DLC1: variants seen among roughly 807,000 people sequenced by gnomAD.
DLC1 encodes the protein DLC1 Rho GTPase activating protein.
Under a neutral mutation model 140.3 loss-of-function variants are expected in DLC1, and 54 were observed. The observed-to-expected ratio is 0.38, with a 90% confidence interval of 0.31 to 0.48. DLC1 has a LOEUF of 0.48. Among genes scored for constraint, DLC1 ranks in the 20% least tolerant of loss-of-function variants. The pLI is 0.96. For missense variants in DLC1, 2,536 were observed against 1,907.0 expected (o/e 1.33, Z -6.14); for synonymous variants, 986 against 728.1 (o/e 1.35, Z -5.70).
In DLC1 at chr8:13,094,893, C is replaced by T. The variant is rs1357885003; in HGVS notation, c.3392G>A (p.Gly1131Asp). Residue 1131 changes from glycine (G) to aspartate (D), a missense_variant, in exon 12 of 18, where the codon GGT (glycine) becomes GAT (aspartate). Gly to Asp is a moderately conservative substitution (Grantham distance 94, BLOSUM62 -1). Transcript: ENST00000276297. Reference protein sequence around the residue: ...RIQALRQMNEGAIDCVNYEGQ... With the variant: ...RIQALRQMNEDAIDCVNYEGQ... ...TTCGTAGTTGACACAGTCTATGGCA[C>T]CTTCATTCATCTGGCGCAGAGCCTG... The T allele has an allele frequency of 1.2e-6, 2 of 1,614,116 alleles. No individual in the cohort carries two copies. The highest frequency in any genetic ancestry group is 4.5e-5 in the East Asian group (2 of 44,900).
intron 5 of DLC1, among the ~76,000 whole-genome samples, chr8:13,250,992 T>C (rs1829979328): frequency 6.6e-6 from 1 of 152,162 alleles, no homozygotes; most frequent in Non-Finnish European, 1.5e-5. Flanking sequence ...ATGCCACAGA[T>C]TCAGTGGTTT....
chr8:13,384,631 CT>C (rs1836432978), intron 4 of DLC1, among the ~76,000 whole-genome samples: 1 of 151,314 alleles, frequency 6.6e-6, no homozygotes, highest in African/African-American at 2.4e-5. Context: ...GTCCAATGAT[CT>C]ACCTAAAACC....
intron 4 of DLC1, among the ~76,000 whole-genome samples, chr8:13,327,979 G>T (rs1425458042): frequency 6.6e-6 from 1 of 152,198 alleles, no homozygotes; most frequent in African/African-American, 2.4e-5. Flanking sequence ...AACTACATGT[G>T]CAAAAGTTCT....
At chr8:13,525,160 G>A (rs1448992290) in intron 1 of DLC1, among the ~76,000 whole-genome samples, 4 of 152,160 alleles carry the variant, frequency 2.6e-5, no homozygotes, top group East Asian at 3.9e-4. Flanking sequence ...GTTGTTGCAT[G>A]TATCTGTCCT....
intron 3 of DLC1, 113 bp from the exon 4 acceptor site, chr8:13,393,806 C>A: frequency 7.9e-7 from 1 of 1,270,018 alleles, no homozygotes; most frequent in East Asian, 2.3e-5. Flanking sequence ...CACTGATACA[C>A]TAAAGAGTTG....
chr8:13,502,954 A>G (rs1353931119), intron 1 of DLC1, among the ~76,000 whole-genome samples: 2 of 152,212 alleles, frequency 1.3e-5, no homozygotes, highest in Non-Finnish European at 2.9e-5. Context: ...AAGAGACTGT[A>G]TGTACTTCTA....
chr8:13,489,300 C>G (rs1345807907), intron 2 of DLC1, among the ~76,000 whole-genome samples: 1 of 151,888 alleles, frequency 6.6e-6, no homozygotes, highest in African/African-American at 2.4e-5. Flanking sequence ...TGTGGGTTGA[C>G]ATACTTTCTC....
intron 1 of DLC1, among the ~76,000 whole-genome samples, chr8:13,545,869 GA>G (rs1395939487): frequency 6.6e-6 from 1 of 152,060 alleles, no homozygotes; most frequent in Non-Finnish European, 1.5e-5. Flanking sequence ...CATATTTTAT[GA>G]TGATGCATAA....
chr8:13,264,159 C>T (rs1425961681), intron 5 of DLC1, among the ~76,000 whole-genome samples: 1 of 151,960 alleles, frequency 6.6e-6, no homozygotes, highest in Non-Finnish European at 1.5e-5. Context: ...ACCTCTCCCT[C>T]CCGGGTTCAA....
At chr8:13,087,871 A>C (rs1231996241) in intron 16 of DLC1, among the ~76,000 whole-genome samples, 1 of 152,176 alleles carries the variant, frequency 6.6e-6, no homozygotes, top group African/African-American at 2.4e-5. Flanking sequence ...TTCCTGGCTT[A>C]TTCATTCACT....
intron 5 of DLC1, among the ~76,000 whole-genome samples, chr8:13,168,936 TTTA>T (rs2116915369): frequency 6.6e-6 from 1 of 152,312 alleles, no homozygotes; most frequent in South Asian, 2.1e-4. Context: ...AAGAGTCTAA[TTTA>T]TTATCATAAT....
chr8:13,284,338 C>T (rs904707918), intron 5 of DLC1, among the ~76,000 whole-genome samples: 2 of 152,042 alleles, frequency 1.3e-5, no homozygotes, highest in Non-Finnish European at 2.9e-5. Flanking sequence ...ACCAGCCTGA[C>T]CAACATGGTG....
In DLC1 at chr8:13,100,169, C is replaced by T. The variant is rs142691117; in HGVS notation, c.2168G>A (p.Arg723His). ...CVEISALNGN[R>H]INVPMVRKRS... ...CTTTCGTACCATGGGGACGTTGATG[C>T]GGTTGCCATTGAGGGCGGAGATCTC... The change falls in exon 9 of 18, where the codon CGC (arginine) becomes CAC (histidine). Residue 723 changes from arginine (R) to histidine (H), a missense_variant. Coordinates refer to ENST00000276297, the MANE Select transcript of DLC1 (RefSeq NM_182643.3). The T allele has an allele frequency of 5.1e-4, 829 of 1,613,336 alleles. No individual in the cohort carries two copies. Among genetic ancestry groups the T allele is most frequent in the Non-Finnish European group, 6.2e-4 (726 of 1,179,834 alleles).
chr8:13,567,559 G>A (rs1585283102), intron 1 of DLC1: 2 of 1,551,806 alleles, frequency 1.3e-6, no homozygotes, highest in Non-Finnish European at 1.7e-6. Flanking sequence ...ACAGGAGGCA[G>A]CAGCTAAGCA....
At chr8:13,359,498 C>A (rs76732808) in intron 4 of DLC1, among the ~76,000 whole-genome samples, 2,638 of 152,150 alleles carry the variant, frequency 0.017, 71 homozygotes, top group African/African-American at 0.06. Context: ...GGAATCTTGA[C>A]TATTGGAAGA....
chr8:13,187,180 C>T (rs572184126), intron 5 of DLC1, among the ~76,000 whole-genome samples: 13 of 152,210 alleles, frequency 8.5e-5, no homozygotes, highest in Admixed American at 7.9e-4. Flanking sequence ...TTATTACCTT[C>T]CAATGTAAGA....
chr8:13,390,106 T>C (rs181293963), intron 4 of DLC1, among the ~76,000 whole-genome samples: 241 of 152,288 alleles, frequency 1.6e-3, no homozygotes, highest in African/African-American at 5.0e-3. Flanking sequence ...AAATTCTTCA[T>C]TCTGATATTC....
chr8:13,253,660 C>T (rs2117295407), intron 5 of DLC1, among the ~76,000 whole-genome samples: 1 of 152,266 alleles, frequency 6.6e-6, no homozygotes. Context: ...CAATTGAATG[C>T]AAACACCTTA....
rs576069225 is a variant in DLC1, at chr8:13,389,000, C to T, written c.1314+4553G>A. Among the ~76,000 whole-genome samples, 4 of 152,042 alleles carry T rather than the reference C, an allele frequency of 2.6e-5. No individual in the cohort carries two copies. In the South Asian group the frequency reaches 6.2e-4, roughly 24 times the overall value. Reference sequence around the variant, plus strand: ...AATCCAGGTGCTGAGCCTGTGAATCCCTGTAAAGTATAGCGTTCAGGAGCA... The same window carrying T: ...AATCCAGGTGCTGAGCCTGTGAATCTCTGTAAAGTATAGCGTTCAGGAGCA... On this transcript the variant is annotated intron_variant, in intron 4 of 17. Transcript: ENST00000276297.
Sources: allele counts gnomAD v4.1 joint callset (sites outside exome capture counted in the v4.1 genomes callset), GRCh38; gene constraint gnomAD v4.1.1; transcripts MANE v1.5; gene names NCBI Gene and HGNC (gene_info 2026-07-23, HGNC 2026-07-21).